Variants in BCAR3 observed in about 807,000 individuals in gnomAD.
The protein encoded by BCAR3 is breast cancer anti-estrogen resistance protein 3.
In BCAR3, 37 loss-of-function variants were observed where a neutral mutation model predicts 80.1. That is an observed-to-expected ratio of 0.46 (90% CI 0.36 to 0.61). BCAR3 has a LOEUF of 0.61. Among genes scored for constraint, BCAR3 ranks in the 20% least tolerant of loss-of-function variants. The pLI is 0.00. For synonymous variants in BCAR3, 389 were observed against 418.9 expected, an observed-to-expected ratio of 0.93 and a Z score of 0.87; for missense variants, 978 against 1,068.2, an observed-to-expected ratio of 0.92 and a Z score of 1.18.
chr1:93,612,953 AT>A (rs1315670287), intron 3 of BCAR3, among the ~76,000 whole-genome samples: 1 of 152,178 alleles, frequency 6.6e-6, no homozygotes, highest in Non-Finnish European at 1.5e-5. Context: ...AGTTTTCCTG[AT>A]TTTTTTAAAA....
intron 2 of BCAR3, among the ~76,000 whole-genome samples, chr1:93,803,264 G>T (rs1169742398): frequency 1.3e-5 from 2 of 152,220 alleles, no homozygotes; most frequent in East Asian, 3.9e-4. Flanking sequence ...TGTCTCAGTG[G>T]TTCACATATA....
In BCAR3 at chr1:93,578,399, G is replaced by T. The variant is rs181793865; in HGVS notation, c.1687-2270C>A. Among the ~76,000 whole-genome samples, 10 of 152,266 alleles carry T rather than the reference G, an allele frequency of 6.6e-5. No individual in the cohort carries two copies. In the East Asian group the frequency reaches 1.9e-3, roughly 29 times the overall value. ...AGCCCAGAAGTAGAGACTTAGAAAA[G>T]ACGTATGAAGCCCTCCCACACCCCA... On this transcript the variant is annotated intron_variant, in intron 7 of 11. Coordinates refer to ENST00000260502, the MANE Select transcript of BCAR3 (RefSeq NM_003567.4).
In BCAR3 at chr1:93,589,031, G is replaced by A. The variant is rs765911755; in HGVS notation, c.875C>T (p.Thr292Ile). 8.7e-6 allele frequency: 14 copies of A among 1,605,336 alleles called. No homozygotes were observed. In the East Asian group the frequency reaches 1.8e-4, roughly 21 times the overall value. Residue 292 changes from threonine (T) to isoleucine (I), a missense_variant, in exon 5 of 12, where the codon ACC becomes ATC. Thr to Ile is a moderately conservative substitution (Grantham distance 89). Transcript: ENST00000260502. ...RPDVAKRLSLTMGGVQAREQN... is the reference protein window; with the variant it reads ...RPDVAKRLSLIMGGVQAREQN... ...CTCTCGGGCCTGGACGCCACCCATGGTGAGGCTCAGCCTCTTGGCCACATC... is the reference window on the plus strand; with the variant it reads ...CTCTCGGGCCTGGACGCCACCCATGATGAGGCTCAGCCTCTTGGCCACATC...
At chr1:93,743,701 G>A (rs2100699066) in intron 2 of BCAR3, among the ~76,000 whole-genome samples, 1 of 152,288 alleles carries the variant, frequency 6.6e-6, no homozygotes, top group East Asian at 1.9e-4. Context: ...AATCAGCCAG[G>A]AAGTACAGAC....
At chr1:93,624,986 G>A (rs1037942847) in intron 3 of BCAR3, among the ~76,000 whole-genome samples, 4 of 152,144 alleles carry the variant, frequency 2.6e-5, no homozygotes, top group Non-Finnish European at 4.4e-5. Flanking sequence ...CGAGGAGGGC[G>A]GATCACGAGG....
intron 2 of BCAR3, among the ~76,000 whole-genome samples, chr1:93,726,713 G>C (rs1650596341): frequency 6.6e-6 from 1 of 152,148 alleles, no homozygotes; most frequent in African/African-American, 2.4e-5. Flanking sequence ...AGTGCATAAA[G>C]TCGTGGTTCA....
chr1:93,716,744 A>G (rs1650204036), intron 2 of BCAR3, among the ~76,000 whole-genome samples: 1 of 152,160 alleles, frequency 6.6e-6, no homozygotes, highest in Non-Finnish European at 1.5e-5. Flanking sequence ...ACACCTTGAA[A>G]TTATCTAAGG....
intron 2 of BCAR3, among the ~76,000 whole-genome samples, chr1:93,711,342 G>C (rs1259907323): frequency 1.3e-5 from 2 of 152,162 alleles, no homozygotes; most frequent in East Asian, 1.9e-4. Flanking sequence ...ATTCATGTCT[G>C]TCAGGTGACT....
chr1:93,788,301 C>G (rs1041756791), intron 2 of BCAR3, among the ~76,000 whole-genome samples: 1 of 152,134 alleles, frequency 6.6e-6, no homozygotes, highest in Non-Finnish European at 1.5e-5. Flanking sequence ...TAGAACTTCT[C>G]CATTCAACAT....
Position 93,589,402 on chromosome 1 carries a change from C to G in BCAR3, c.504G>C (p.Val168=). 1 of 1,611,542 alleles carries G rather than the reference C, an allele frequency of 6.2e-7. No homozygotes were observed. The highest frequency in any genetic ancestry group is 1.1e-5 in the South Asian group (1 of 90,980). ...RIPRQVSENL[V]QRDGDFLVRD... is the part of the protein sequence containing the mutation. ...GAACTAGGAAGTCACCATCTCGCTG[C>G]ACAAGGTTTTCAGACACCTTTGGGA... The change falls in exon 5 of 12, where the codon GTG becomes GTC. Residue 168 remains valine (V), a synonymous_variant. Transcript: ENST00000260502.
chr1:93,765,428 G>A (rs1340662993), intron 2 of BCAR3, among the ~76,000 whole-genome samples: 2 of 152,082 alleles, frequency 1.3e-5, no homozygotes, highest in African/African-American at 4.8e-5. Flanking sequence ...CCATCTCTAG[G>A]ATCACCAGTC....
chr1:93,569,382 C>T (rs754494227), intron 9 of BCAR3, among the ~76,000 whole-genome samples: 1 of 152,202 alleles, frequency 6.6e-6, no homozygotes, highest in Non-Finnish European at 1.5e-5. Context: ...GTAGGCTCAG[C>T]ACCAGCAGAC....
At chr1:93,571,363 G>A (rs539434393) in intron 9 of BCAR3, among the ~76,000 whole-genome samples, 1 of 152,166 alleles carries the variant, frequency 6.6e-6, no homozygotes, top group Admixed American at 6.5e-5. Context: ...AGCTGGGTGT[G>A]GTGGTGCCTG....
intron 2 of BCAR3, among the ~76,000 whole-genome samples, chr1:93,708,165 A>C (rs1649889651): frequency 6.6e-6 from 1 of 152,148 alleles, no homozygotes; most frequent in Admixed American, 6.5e-5. Context: ...CTTATATAGA[A>C]CCTGAATAGA....
In BCAR3 at chr1:93,645,272, AG is replaced by A. The variant is rs779913968; in HGVS notation, c.318-2930del. Reference sequence around the variant, plus strand: ...GGCCAGAGCTCAGTTCCTCCTTTCAAGGGGGAAAAAAAAAAATGTGAGAAAG... The same window carrying A: ...GGCCAGAGCTCAGTTCCTCCTTTCAAGGGGAAAAAAAAAAATGTGAGAAAG... On this transcript the variant is annotated intron_variant, in intron 2 of 11. Transcript: ENST00000260502. Among the ~76,000 whole-genome samples the A allele has an allele frequency of 2.3e-4, 35 of 151,028 alleles. 1 individual carries two copies. Among genetic ancestry groups the A allele is most frequent in the East Asian group, 9.8e-4 (5 of 5,106 alleles).
chr1:93,778,444 A>ATT (rs1351280619), intron 2 of BCAR3, among the ~76,000 whole-genome samples: 1 of 152,096 alleles, frequency 6.6e-6, no homozygotes. Flanking sequence ...GCTCTATCCT[A>ATT]TTATATATAT....
chr1:93,606,814 G>C (rs892270559), intron 3 of BCAR3, among the ~76,000 whole-genome samples: 1 of 152,204 alleles, frequency 6.6e-6, no homozygotes, highest in African/African-American at 2.4e-5. Flanking sequence ...CAGTAGGACT[G>C]GACAGGAAGG....
At chr1:93,807,822 C>T (rs187942455) in intron 2 of BCAR3, among the ~76,000 whole-genome samples, 14 of 151,934 alleles carry the variant, frequency 9.2e-5, no homozygotes, top group African/African-American at 3.4e-4. Context: ...ATGCTTGAGC[C>T]CAGGAGTTCC....
chr1:93,749,082 A>AGGC (rs1259819510), intron 2 of BCAR3, among the ~76,000 whole-genome samples: 2 of 152,160 alleles, frequency 1.3e-5, no homozygotes, highest in East Asian at 3.8e-4. Flanking sequence ...AAGCAATGTT[A>AGGC]CTATATCCTT....
Sources: allele counts gnomAD v4.1 joint callset (sites outside exome capture counted in the v4.1 genomes callset), GRCh38; gene constraint gnomAD v4.1.1; transcripts MANE v1.5; gene names NCBI Gene and HGNC (gene_info 2026-07-23, HGNC 2026-07-21).